COG6: variants seen among roughly 807,000 people sequenced by gnomAD.
COG6 encodes the protein component of oligomeric golgi complex 6, also known as conserved oligomeric Golgi complex subunit 6.
COG6 carries 74 observed loss-of-function variants against 88.8 expected under a neutral mutation model. The ratio of observed to expected loss-of-function variants is 0.83; its 90% confidence interval spans 0.69 to 1.01. The LOEUF (loss-of-function observed/expected upper bound fraction) is 1.01. COG6 is among the 50% of genes least tolerant of loss of function. The pLI is 0.00. For missense variants in COG6, 800 were observed against 797.9 expected, an observed-to-expected ratio of 1.00 and a Z score of -0.03; for synonymous variants, 286 against 278.7, an observed-to-expected ratio of 1.03 and a Z score of -0.26.
intron 18 of COG6, among the ~76,000 whole-genome samples, chr13:39,763,318 T>G (rs1881079900): frequency 6.6e-6 from 1 of 151,794 alleles, no homozygotes; most frequent in African/African-American, 2.4e-5. Context: ...TCTTTCTACC[T>G]TTTTATCGTT....
In COG6 at chr13:39,689,790, G is replaced by A; in HGVS notation, c.1040G>A (p.Gly347Glu). The A allele has an allele frequency of 6.2e-7, 1 of 1,609,680 alleles. No homozygotes were observed. The highest frequency in any genetic ancestry group is 1.1e-5 in the South Asian group (1 of 90,858). Residue 347 changes from glycine (G) to glutamate (E), a missense_variant, in exon 11 of 19, where the codon GGG becomes GAG. Physicochemically the swap from Gly to Glu is moderately conservative, Grantham distance 98. Coordinates refer to ENST00000455146, the MANE Select transcript of COG6 (RefSeq NM_020751.3). Reference sequence around the variant, plus strand: ...GAAGAAAATATTCAAGAAGTTGTTGGGCATATCACTGAAGGTGTGTGCAGG... The same window carrying A: ...GAAGAAAATATTCAAGAAGTTGTTGAGCATATCACTGAAGGTGTGTGCAGG... ...GVEENIQEVV[G>E]HITEGVCRPL... is the part of the protein sequence containing the mutation.
At chr13:39,786,799 T>C (rs1349310693) in intron 18 of COG6, among the ~76,000 whole-genome samples, 1 of 152,134 alleles carries the variant, frequency 6.6e-6, no homozygotes, top group Non-Finnish European at 1.5e-5. Flanking sequence ...AGCAAAACTT[T>C]TACTTGTTGG....
intron 11 of COG6, among the ~76,000 whole-genome samples, chr13:39,691,377 G>A (rs1017440573): frequency 1.3e-5 from 2 of 151,888 alleles, no homozygotes; most frequent in East Asian, 1.9e-4. Context: ...GATCTTTATG[G>A]CAATTGTAGG....
At chr13:39,784,424 T>C (rs1334669563) in intron 18 of COG6, among the ~76,000 whole-genome samples, 1 of 152,204 alleles carries the variant, frequency 6.6e-6, no homozygotes, top group Non-Finnish European at 1.5e-5. Flanking sequence ...TCCGTCCAAC[T>C]AGTATTTGCT....
chr13:39,751,842 C>CT lies in COG6; in HGVS notation c.*750dup. 7.8e-7 allele frequency: 1 copy of CT among 1,287,130 alleles called. No homozygotes were observed. The allele number at this position is 1,287,130 out of a possible 1,614,324, so 79.7% of individuals were successfully genotyped here. A position where few individuals can be genotyped will look rare whatever the true frequency, so the allele number is the denominator to read the frequency against. On this transcript the variant is annotated 3_prime_UTR_variant, in exon 19 of 19. Coordinates refer to ENST00000455146, the MANE Select transcript of COG6 (RefSeq NM_020751.3). ...TGGAGCTCAGCCTTTCCAATGAGCTCTAAGCATGTAGATAGCCTGAGCTGT... is the reference window on the plus strand; with the variant it reads ...TGGAGCTCAGCCTTTCCAATGAGCTCTTAAGCATGTAGATAGCCTGAGCTGT...
intron 18 of COG6, among the ~76,000 whole-genome samples, chr13:39,775,769 A>AT (rs1881445064): frequency 6.6e-6 from 1 of 151,922 alleles, no homozygotes; most frequent in Non-Finnish European, 1.5e-5. Context: ...ATACATCTGA[A>AT]ATTTTTTTTT....
At position 39,736,757 on chromosome 13, in the gene COG6, C is replaced by T. The variant is rs530866837; in HGVS notation, c.1826+9209C>T. ...TATCTTGAATTTCTTTGCACTTCCT[C>T]GGCACAACTATTTTGATTTCTCTGT... is the stretch of plus-strand genomic sequence containing the variant. On this transcript the variant is annotated intron_variant, in intron 18 of 18. Coordinates refer to ENST00000455146, the MANE Select transcript of COG6 (RefSeq NM_020751.3). Among the ~76,000 whole-genome samples the T allele has an allele frequency of 2.4e-4, 36 of 152,264 alleles. No individual in the cohort carries two copies. The South Asian group carries it at 6.8e-3, about 29-fold the overall frequency.
chr13:39,739,973 A>T (rs1879961124), intron 18 of COG6, among the ~76,000 whole-genome samples: 1 of 152,176 alleles, frequency 6.6e-6, no homozygotes, highest in South Asian at 2.1e-4. Context: ...GAAATATCTA[A>T]TTATAACAAT....
intron 4 of COG6, among the ~76,000 whole-genome samples, chr13:39,672,715 AC>A (rs1264146956): frequency 6.6e-6 from 1 of 152,012 alleles, no homozygotes; most frequent in Non-Finnish European, 1.5e-5. Flanking sequence ...ATATTTGTTT[AC>A]AAGTTTTTGT....
chr13:39,718,231 T>C (rs1878641856), intron 13 of COG6, among the ~76,000 whole-genome samples: 1 of 152,106 alleles, frequency 6.6e-6, no homozygotes, highest in African/African-American at 2.4e-5. Flanking sequence ...TTGGACATGC[T>C]TACTTTGCTA....
rs540753804 is a variant in COG6, at chr13:39,775,063, G to A, written c.1827-13272G>A. Reference sequence around the variant, plus strand: ...GGAATGGGCATTTCCATTGCTCATTGCTCTCCCAGCCTTGGAGGAAGTTCT... The same window carrying A: ...GGAATGGGCATTTCCATTGCTCATTACTCTCCCAGCCTTGGAGGAAGTTCT... On this transcript the variant is annotated intron_variant, in intron 18 of 18. Coordinates refer to the COG6 transcript ENST00000416691. 2.6e-5 allele frequency among the ~76,000 whole-genome samples: 4 copies of A among 152,206 alleles called. No individual in the cohort carries two copies. In the South Asian group the frequency reaches 8.3e-4, roughly 32 times the overall value.
At chr13:39,657,407 G>A (rs932269337) in intron 1 of COG6, among the ~76,000 whole-genome samples, 1 of 152,078 alleles carries the variant, frequency 6.6e-6, no homozygotes, top group Non-Finnish European at 1.5e-5. Context: ...ACTAGTAACT[G>A]GTGGAACTGT....
At chr13:39,688,879 T>C (rs1876819632) in intron 10 of COG6, among the ~76,000 whole-genome samples, 1 of 152,192 alleles carries the variant, frequency 6.6e-6, no homozygotes, top group Admixed American at 6.5e-5. Context: ...AGAGAGACAC[T>C]GTGGCTTGGT....
At chr13:39,684,242 G>GTTTT (rs1593423136) in intron 8 of COG6, among the ~76,000 whole-genome samples, 1 of 44,772 alleles carries the variant, frequency 2.2e-5, no homozygotes, top group Non-Finnish European at 4.3e-5. Flanking sequence ...CAATTTGGAA[G>GTTTT]ATTTTTTTTT....
intron 18 of COG6, among the ~76,000 whole-genome samples, chr13:39,771,996 T>C (rs1881330386): frequency 6.6e-6 from 1 of 152,090 alleles, no homozygotes; most frequent in African/African-American, 2.4e-5. Context: ...TTCAAAAACT[T>C]CCTCCCAAAT....
intron 15 of COG6, among the ~76,000 whole-genome samples, chr13:39,720,396 A>G (rs918482206): frequency 5.3e-5 from 8 of 152,084 alleles, no homozygotes; most frequent in African/African-American, 1.9e-4. Flanking sequence ...AGATAGTTGG[A>G]TTCCAGTTTT....
intron 18 of COG6, among the ~76,000 whole-genome samples, chr13:39,763,399 C>T (rs556965755): frequency 4.0e-5 from 6 of 151,788 alleles, no homozygotes; most frequent in East Asian, 1.9e-4. Flanking sequence ...ATGGTAATTG[C>T]GGTCACCCTT....
chr13:39,722,642 AT>A (rs1288585480), intron 15 of COG6, among the ~76,000 whole-genome samples: 2 of 150,668 alleles, frequency 1.3e-5, no homozygotes, highest in African/African-American at 4.9e-5. Context: ...AAAGAACAAG[AT>A]TTTTTCTCAC....
chr13:39,659,572 G>C (rs1025505779), intron 2 of COG6, 65 bp downstream of exon 2: 1 of 1,407,472 alleles, frequency 7.1e-7, no homozygotes, highest in South Asian at 1.2e-5. Context: ...TCTGTGCTAA[G>C]TATTTTTTTG....
Sources: allele counts gnomAD v4.1 joint callset (sites outside exome capture counted in the v4.1 genomes callset), GRCh38; gene constraint gnomAD v4.1.1; transcripts MANE v1.5; gene names NCBI Gene and HGNC (gene_info 2026-07-23, HGNC 2026-07-21).